Variants in ARHGAP33 observed in about 807,000 individuals in gnomAD.
ARHGAP33 encodes rho GTPase-activating protein 33.
In ARHGAP33, 57 loss-of-function variants were observed where a neutral mutation model predicts 126.2. The ratio of observed to expected loss-of-function variants is 0.45; its 90% CI spans 0.36 to 0.56. The LOEUF (loss-of-function observed/expected upper bound fraction) is 0.56. Among genes scored for constraint, ARHGAP33 ranks in the 20% least tolerant of loss-of-function variants. The pLI, the probability that ARHGAP33 is intolerant of heterozygous loss-of-function variation, is 0.00. For synonymous variants in ARHGAP33, 711 were observed against 755.0 expected, an observed-to-expected ratio of 0.94 and a Z score of 0.95; for missense variants, 1,500 against 1,748.3, an observed-to-expected ratio of 0.86 and a Z score of 2.53.
At position 35,788,377 on chromosome 19, in the gene ARHGAP33, C is replaced by G. The variant is rs185674595; in HGVS notation, c.3812C>G (p.Pro1271Arg). The change falls in exon 21 of 21, where the codon CCC becomes CGC. Residue 1271 changes from proline to arginine, a missense_variant. Pro to Arg is a moderately radical substitution (Grantham distance 103, BLOSUM62 -2). Coordinates refer to ENST00000007510, the MANE Select transcript of ARHGAP33 (RefSeq NM_001366178.1). ...GGGGCTGGTCCCCCACCCCCTTACC[C>G]CACTCCCAGCTGGTCCCTCCACTCT... ...GEGAGPPPPYPTPSWSLHSEG... is the reference protein window; with the variant it reads ...GEGAGPPPPYRTPSWSLHSEG... 448 of 1,591,168 alleles carry G rather than the reference C, an allele frequency of 2.8e-4. No homozygotes were observed. The highest frequency in any genetic ancestry group is 6.6e-4 in the Admixed American group (37 of 56,264).
rs940744060 is a variant in ARHGAP33, at chr19:35,786,347, C to T, written c.1943-66C>T. ...CAGGAGGCGCCTCTTCATGTCCTTT[C>T]CCCAGCTTTCTGTGGGGCTGTGCGC... On this transcript the variant is annotated intron_variant, in intron 19 of 20. Transcript: ENST00000007510. The surrounding 1 kb of genome is among the most constrained non-coding windows in gnomAD (Gnocchi z 7.0). 1 of 1,468,764 alleles carries T rather than the reference C, an allele frequency of 6.8e-7. No homozygotes were observed. The highest frequency in any genetic ancestry group is 9.0e-7 in the Non-Finnish European group (1 of 1,113,526). 91.0% of individuals were successfully genotyped at this position (1,468,764 alleles called of 1,614,324 possible). A position where few individuals can be genotyped will look rare whatever the true frequency, so the allele number is the denominator to read the frequency against.
intron 5 of ARHGAP33, 143 bp downstream of exon 5, chr19:35,778,744 A>G (rs1971589603): frequency 8.2e-7 from 1 of 1,222,790 alleles, no homozygotes; most frequent in East Asian, 2.6e-5. Context: ...GAGAAGCCTT[A>G]GAAACGTAGT....
At chr19:35,784,901 TGGCCTTGGG>T in intron 16 of ARHGAP33, 43 bp from the exon 17 acceptor site, 1 of 1,489,844 alleles carries the variant, frequency 6.7e-7, no homozygotes, top group East Asian at 2.5e-5. Context: ...GCTTTGCCTG[TGGCCTTGGG>T]CGGCCCCAGA....
At chr19:35,781,677 G>A (rs898144725) in intron 12 of ARHGAP33, among the ~76,000 whole-genome samples, 4 of 152,096 alleles carry the variant, frequency 2.6e-5, no homozygotes, top group African/African-American at 4.8e-5. Context: ...CACCTCATGC[G>A]AGGGTCTGGA....
chr19:35,785,593 G>A (rs1599797852), intron 19 of ARHGAP33, 110 bp downstream of exon 19: 1 of 1,532,584 alleles, frequency 6.5e-7, no homozygotes, highest in Non-Finnish European at 8.7e-7. Context: ...GGGGGCCCTG[G>A]GGCTTTTGAA....
chr19:35,784,657 G>A, intron 16 of ARHGAP33: 2 of 1,118,140 alleles, frequency 1.8e-6, no homozygotes, highest in Non-Finnish European at 1.1e-6. Flanking sequence ...CCCTGCCCCG[G>A]ACCCCAGCCC....
intron 16 of ARHGAP33, chr19:35,784,707 G>A (rs1239438715): frequency 7.5e-7 from 1 of 1,337,736 alleles, no homozygotes; most frequent in East Asian, 3.1e-5. Context: ...CTGGCCCGAG[G>A]TAACTGAAGC....
rs141421656 is a variant in ARHGAP33 at position 35,787,363 on chromosome 19, G to A, written c.2798G>A (p.Arg933His). ...CCTGCTTCCCAATCCCCCTTCCACC[G>A]CTCGCTGTCTCTGGAGGTGGGCGGG... ...TPPASQSPFH[R>H]SLSLEVGGEP... The change falls in exon 21 of 21, where the codon CGC becomes CAC. Residue 933 changes from arginine to histidine, a missense_variant. Coordinates refer to ENST00000007510, the MANE Select transcript of ARHGAP33 (RefSeq NM_001366178.1). The A allele has an allele frequency of 1.2e-3, 1,995 of 1,609,634 alleles. 19 individuals carry two copies. Among genetic ancestry groups the A allele is most frequent in the Middle Eastern group, 3.6e-3 (22 of 6,032 alleles).
chr19:35,780,994 CTGCGGCAGCGGG>C lies in ARHGAP33; in HGVS notation c.905_916del (p.Leu302_Gly306delinsArg). The C allele has an allele frequency of 6.2e-7, 1 of 1,611,620 alleles. No individual in the cohort carries two copies. Among genetic ancestry groups the C allele is most frequent in the Non-Finnish European group, 8.5e-7 (1 of 1,179,896 alleles). ...GCGCTCCCGCCCTTCTCGGCAGCGG[CTGCGGCAGCGGG>C]GAATCCTGCGACAGAGGGTGTTTGG... On this transcript the variant is annotated inframe_deletion, in exon 11 of 21. Coordinates refer to ENST00000007510, the MANE Select transcript of ARHGAP33 (RefSeq NM_001366178.1).
At chr19:35,784,771 C>G (rs1416350434) in intron 16 of ARHGAP33, 182 bp from the exon 17 acceptor site, 1 of 1,366,316 alleles carries the variant, frequency 7.3e-7, no homozygotes, top group African/African-American at 1.5e-5. Flanking sequence ...CAGCTCGTCC[C>G]GCCCCGCCCT....
chr19:35,788,524 C>A lies in ARHGAP33; in HGVS notation c.*95C>A. 3 of 1,148,602 alleles carry A rather than the reference C, an allele frequency of 2.6e-6. No individual in the cohort carries two copies. The highest frequency in any genetic ancestry group is 3.6e-6 in the Non-Finnish European group (3 of 843,134). 71.2% of individuals were successfully genotyped at this position (1,148,602 alleles called of 1,614,324 possible). A position where few individuals can be genotyped will look rare whatever the true frequency, so the allele number is the denominator to read the frequency against. On this transcript the variant is annotated 3_prime_UTR_variant, in exon 21 of 21. Coordinates refer to ENST00000007510, the MANE Select transcript of ARHGAP33 (RefSeq NM_001366178.1). ...GTTTTGTATTTTCTTGAACCCCGAC[C>A]ACTACCCCAGGTTTCTAACTTTGTA...
At chr19:35,785,385 C>T (rs1344452353) in intron 18 of ARHGAP33, 24 bp from the exon 19 acceptor site, 1 of 1,614,176 alleles carries the variant, frequency 6.2e-7, no homozygotes, top group Non-Finnish European at 8.5e-7. Flanking sequence ...CTGGAGTGCC[C>T]TCCTACCTCT....
In ARHGAP33 at chr19:35,788,313, C is replaced by T. The variant is rs750346712; in HGVS notation, c.3748C>T (p.Arg1250Ter). Residue 1250 changes from arginine (R) to a stop codon, truncating the protein, a stop_gained, in exon 21 of 21, where the codon CGA (arginine) becomes TGA (stop). Transcript: ENST00000007510. LOFTEE classifies it high-confidence loss of function. ...CTACGGAAGGGGGGGCGAGCTCCAC[C>T]GAGGGTCCTTGTACAGAAATGGAGG... ...PAYGRGGELH[R>*]GSLYRNGGQR... 7.5e-6 allele frequency: 12 copies of T among 1,608,772 alleles called. No individual in the cohort carries two copies. Among genetic ancestry groups the T allele is most frequent in the African/African-American group, 1.3e-5 (1 of 74,578 alleles).
At chr19:35,783,734 T>C (rs554633011) in intron 15 of ARHGAP33, among the ~76,000 whole-genome samples, 43 of 152,006 alleles carry the variant, frequency 2.8e-4, no homozygotes, top group Non-Finnish European at 1.2e-4. Flanking sequence ...TGGAGCGAGG[T>C]GCAGCCAGGG....
chr19:35,784,431 T>C (rs1971980755), intron 16 of ARHGAP33, 114 bp downstream of exon 16: 12 of 1,420,770 alleles, frequency 8.4e-6, no homozygotes, highest in Non-Finnish European at 1.1e-5. Flanking sequence ...TGGGCCTCCC[T>C]CCGGCTCCTT....
intron 10 of ARHGAP33, 32 bp downstream of exon 10, chr19:35,780,848 C>T: frequency 2.5e-6 from 4 of 1,613,596 alleles, no homozygotes; most frequent in Non-Finnish European, 1.7e-6. Context: ...GTCCCAGCCC[C>T]TACCCCACCA....
rs779783445 is a variant in ARHGAP33 at position 35,786,837 on chromosome 19, G to T, written c.2367G>T (p.Ser789=). The T allele has an allele frequency of 1.3e-6, 2 of 1,565,660 alleles. No homozygotes were observed. ...ISPRGPTSPA[S]PAALDISEPL... is the part of the protein sequence containing the mutation. The stretch of plus-strand genomic sequence containing the variant: ...CCCGGGGGCCCACCAGCCCCGCCTC[G>T]CCTGCTGCCCTAGACATCTCAGAGC... The change falls in exon 20 of 21, where the codon TCG becomes TCT. Residue 789 remains serine (S), a synonymous_variant. Coordinates refer to ENST00000007510, the MANE Select transcript of ARHGAP33 (RefSeq NM_001366178.1). This position sits in a 1 kb window ranked among gnomAD's most constrained non-coding sequence, Gnocchi z 7.0.
At chr19:35,783,500 A>C (rs559437792) in intron 15 of ARHGAP33, among the ~76,000 whole-genome samples, 1 of 152,138 alleles carries the variant, frequency 6.6e-6, no homozygotes, top group African/African-American at 2.4e-5. Context: ...GGAGGGCCCC[A>C]GGTGCGCACG....
intron 19 of ARHGAP33, chr19:35,785,873 T>C (rs1291604596): frequency 5.3e-6 from 6 of 1,138,452 alleles, no homozygotes; most frequent in Non-Finnish European, 6.5e-6. Flanking sequence ...CCAGGTCTGA[T>C]CATACACAGG....
Sources: allele counts gnomAD v4.1 joint callset (sites outside exome capture counted in the v4.1 genomes callset), GRCh38; gene constraint gnomAD v4.1.1; non-coding constraint Gnocchi (gnomAD v3.1); transcripts MANE v1.5; gene names NCBI Gene and HGNC (gene_info 2026-07-23, HGNC 2026-07-21).